The following MAPKAPK5 variants were observed in gnomAD, a reference collection of about 807,000 sequenced individuals.
MAPKAPK5 encodes the protein MAP kinase-activated protein kinase 5.
Under a neutral mutation model 65.1 loss-of-function variants are expected in MAPKAPK5, and 30 were observed. That is an observed-to-expected ratio of 0.46 (90% CI 0.34 to 0.63). MAPKAPK5 has a LOEUF of 0.63. Ranked by LOEUF, MAPKAPK5 falls within the 20% of genes least tolerant of loss-of-function variation. MAPKAPK5 has a pLI of 0.01. For synonymous variants in MAPKAPK5, 179 were observed against 204.6 expected (o/e 0.87, Z 1.07); for missense variants, 433 against 581.4 (o/e 0.74, Z 2.63).
Position 111,897,349 on chromosome 12 carries a change from A to G in MAPKAPK5, c.*4288A>G, listed in dbSNP as rs1376623264. 6.6e-6 allele frequency: 1 copy of G among 152,232 alleles called. No homozygotes were observed. The highest frequency in any genetic ancestry group is 1.5e-5 in the Non-Finnish European group (1 of 68,036). 9.4% of individuals were successfully genotyped at this position (152,232 alleles called of 1,614,324 possible). A position where few individuals can be genotyped will look rare whatever the true frequency, so the allele number is the denominator to read the frequency against. On this transcript the variant is annotated 3_prime_UTR_variant, in exon 14 of 14. Transcript: ENST00000550735. ...ATGGTAATTGTTGGTCAAAGAAGCC[A>G]AAAGATTTAAATAAGGTCTTGTGTG...
intron 6 of MAPKAPK5, 45 bp downstream of exon 6, chr12:111,870,405 A>G (rs746837885): frequency 1.3e-6 from 2 of 1,511,218 alleles, no homozygotes; most frequent in Admixed American, 1.7e-5. Context: ...AACTCTTAAC[A>G]TAGTTCAGGA....
chr12:111,891,438 A>G (rs1014233291), intron 13 of MAPKAPK5, among the ~76,000 whole-genome samples: 3 of 151,702 alleles, frequency 2.0e-5, no homozygotes, highest in African/African-American at 7.3e-5. Flanking sequence ...TAAGAAATCT[A>G]AAGTGCTAGC....
intron 8 of MAPKAPK5, chr12:111,882,713 G>GT: frequency 1.4e-6 from 1 of 697,026 alleles, no homozygotes; most frequent in Non-Finnish European, 1.8e-6. Flanking sequence ...CCAGAATGGT[G>GT]TAAGAGCTTG....
chr12:111,845,660 A>T (rs1046656810), intron 1 of MAPKAPK5, among the ~76,000 whole-genome samples: 1 of 152,102 alleles, frequency 6.6e-6, no homozygotes, highest in African/African-American at 2.4e-5. Context: ...GGTGGCTCAC[A>T]CCTGTAATCC....
At chr12:111,844,447 T>G (rs1025309802) in intron 1 of MAPKAPK5, among the ~76,000 whole-genome samples, 1 of 152,178 alleles carries the variant, frequency 6.6e-6, no homozygotes, top group African/African-American at 2.4e-5. Context: ...CGCCTCGGCC[T>G]CCCAAAGTTC....
intron 7 of MAPKAPK5, among the ~76,000 whole-genome samples, chr12:111,873,963 A>C (rs1239953590): frequency 6.6e-6 from 1 of 152,242 alleles, no homozygotes; most frequent in African/African-American, 2.4e-5. Context: ...ATCGATGAAC[A>C]AGGTATATAT....
intron 13 of MAPKAPK5, among the ~76,000 whole-genome samples, chr12:111,892,180 A>T (rs369318058): frequency 6.6e-6 from 1 of 152,194 alleles, no homozygotes; most frequent in African/African-American, 2.4e-5. Flanking sequence ...AATGTGTGCT[A>T]TATTTCTCCA....
At chr12:111,857,893 GTGTGTGTGTT>G (rs1207235648) in intron 1 of MAPKAPK5, among the ~76,000 whole-genome samples, 1 of 149,394 alleles carries the variant, frequency 6.7e-6, no homozygotes, top group Non-Finnish European at 1.5e-5. Context: ...TTTTTTTTGT[GTGTGTGTGTT>G]TGTGTGTGTG....
chr12:111,852,677 G>A (rs1029058572), intron 1 of MAPKAPK5, among the ~76,000 whole-genome samples: 11 of 152,092 alleles, frequency 7.2e-5, no homozygotes, highest in Admixed American at 5.2e-4. Flanking sequence ...ATCTATTAAC[G>A]TAGTAGAGCT....
intron 1 of MAPKAPK5, among the ~76,000 whole-genome samples, chr12:111,860,208 C>G (rs1049261225): frequency 1.3e-5 from 2 of 152,212 alleles, no homozygotes; most frequent in African/African-American, 4.8e-5. Flanking sequence ...GGCTTTTACC[C>G]TATCCTGATC....
intron 1 of MAPKAPK5, among the ~76,000 whole-genome samples, chr12:111,849,227 C>T (rs568568065): frequency 6.6e-6 from 1 of 151,336 alleles, no homozygotes; most frequent in East Asian, 1.9e-4. Flanking sequence ...ATTACTGCAC[C>T]TGGCCAAGAG....
At chr12:111,868,704 TTTTC>T (rs1593153553) in intron 4 of MAPKAPK5, 45 bp from the exon 5 acceptor site, 1 of 1,416,164 alleles carries the variant, frequency 7.1e-7, no homozygotes, top group Non-Finnish European at 9.5e-7. Flanking sequence ...TTTTGTTTCT[TTTTC>T]TTTTTTTTTT....
At chr12:111,861,660 G>A (rs1400782438) in intron 1 of MAPKAPK5, among the ~76,000 whole-genome samples, 2 of 152,084 alleles carry the variant, frequency 1.3e-5, no homozygotes, top group Non-Finnish European at 2.9e-5. Context: ...CTTCTCAGGC[G>A]ATTGTGATGT....
chr12:111,883,354 T>A lies in MAPKAPK5; in HGVS notation c.661-227T>A, dbSNP rs2070301483. ...GAGATTACGCCACTGCACTCCAGCCTGGGCAACAGAGCAAGACTCTGTCTC... is the reference window on the plus strand; with the variant it reads ...GAGATTACGCCACTGCACTCCAGCCAGGGCAACAGAGCAAGACTCTGTCTC... On this transcript the variant is annotated intron_variant, in intron 8 of 13. Transcript: ENST00000550735. The surrounding 1 kb of genome is among the most constrained non-coding windows in gnomAD (Gnocchi z 4.8). 6.6e-6 allele frequency among the ~76,000 whole-genome samples: 1 copy of A among 151,970 alleles called. No homozygotes were observed. Among genetic ancestry groups the A allele is most frequent in the Admixed American group, 6.6e-5 (1 of 15,262 alleles).
chr12:111,885,693 T>C (rs956101987), intron 9 of MAPKAPK5: 3 of 511,852 alleles, frequency 5.9e-6, no homozygotes, highest in African/African-American at 5.7e-5. Flanking sequence ...AGCCCTTTTC[T>C]ACCATTTTAA....
intron 7 of MAPKAPK5, among the ~76,000 whole-genome samples, chr12:111,873,816 C>T (rs755179993): frequency 6.6e-6 from 1 of 152,086 alleles, no homozygotes; most frequent in Non-Finnish European, 1.5e-5. Flanking sequence ...TTTGGCTATT[C>T]TAGATCCTTT....
rs985647320 is a variant in MAPKAPK5 at position 111,901,445 on chromosome 12, T to C, written c.*8384T>C. On this transcript the variant is annotated 3_prime_UTR_variant, in exon 14 of 14. Coordinates refer to ENST00000550735, the MANE Select transcript of MAPKAPK5 (RefSeq NM_003668.4). ...ATCACAATATGACTCATTCCAGACG[T>C]GAAGAACATGCTGTAGACATGATGA... is the stretch of plus-strand genomic sequence containing the variant. 2 of 455,826 alleles carry C rather than the reference T, an allele frequency of 4.4e-6. No homozygotes were observed. The highest frequency in any genetic ancestry group is 2.4e-5 in the Admixed American group (1 of 42,534). 28.2% of individuals were successfully genotyped at this position (455,826 alleles called of 1,614,324 possible). A position where few individuals can be genotyped will look rare whatever the true frequency, so the allele number is the denominator to read the frequency against.
intron 1 of MAPKAPK5, among the ~76,000 whole-genome samples, chr12:111,851,426 A>G (rs1204618510): frequency 1.3e-5 from 2 of 152,080 alleles, no homozygotes; most frequent in East Asian, 3.9e-4. Context: ...CCCAGGTTCA[A>G]GCAATTCTCA....
At chr12:111,844,170 A>T (rs921909504) in intron 1 of MAPKAPK5, among the ~76,000 whole-genome samples, 3 of 150,306 alleles carry the variant, frequency 2.0e-5, no homozygotes, top group African/African-American at 7.3e-5. Flanking sequence ...GACTGCCTTG[A>T]CATATCCTTC....
Sources: gnomAD v4.1 joint callset for allele counts (sites outside exome capture counted in the v4.1 genomes callset) on GRCh38, gnomAD v4.1.1 for gene constraint, Gnocchi (gnomAD v3.1) non-coding constraint, MANE v1.5 for transcripts, NCBI Gene and HGNC (gene_info 2026-07-23, HGNC 2026-07-21) for gene names.